TBC1D8: variants seen among roughly 807,000 people sequenced by gnomAD.
The protein encoded by TBC1D8 is BUB2-like protein 1.
In TBC1D8, 65 loss-of-function variants were observed where a neutral mutation model predicts 118.8. That is an observed-to-expected ratio of 0.55 (90% CI 0.45 to 0.67). TBC1D8 has a LOEUF of 0.67. TBC1D8 is among the 30% of genes least tolerant of loss of function. The pLI, the probability that TBC1D8 is intolerant of heterozygous loss-of-function variation, is 0.00. For synonymous variants in TBC1D8, 566 were observed against 595.8 expected, an observed-to-expected ratio of 0.95 and a Z score of 0.73; for missense variants, 1,376 against 1,471.2, an observed-to-expected ratio of 0.94 and a Z score of 1.06.
At chr2:101,027,133 G>A (rs769385351) in intron 15 of TBC1D8, among the ~76,000 whole-genome samples, 3 of 152,210 alleles carry the variant, frequency 2.0e-5, no homozygotes, top group African/African-American at 7.2e-5. Flanking sequence ...GCTTCAGCGC[G>A]AGGCCAGGCC....
intron 1 of TBC1D8, among the ~76,000 whole-genome samples, 189 bp from the exon 2 acceptor site, chr2:101,090,553 A>T (rs72822912): frequency 1.3e-5 from 2 of 152,188 alleles, no homozygotes; most frequent in Admixed American, 1.3e-4. Flanking sequence ...CATCCGCAGC[A>T]GGACCTGCCC....
rs200838997 is a variant in TBC1D8, at chr2:101,028,454, C to T, written c.2223-22G>A. ...AAACCTGAACACACCGCCCCGTCAA[C>T]GCCCAAGTCCATCCTCATTCGGGTA... is the stretch of plus-strand genomic sequence containing the variant. On this transcript the variant is annotated intron_variant, in intron 12 of 19. Transcript: ENST00000409318. 4.0e-4 allele frequency: 613 copies of T among 1,533,444 alleles called. 1 individual carries two copies. The highest frequency in any genetic ancestry group is 4.8e-4 in the Non-Finnish European group (548 of 1,141,796). The allele number at this position is 1,533,444 out of a possible 1,614,324, so 95.0% of individuals were successfully genotyped here.
chr2:101,110,018 C>A (rs1001666101), intron 1 of TBC1D8: 1 of 985,410 alleles, frequency 1.0e-6, no homozygotes, highest in Non-Finnish European at 1.2e-6. Context: ...ATCCTCCTGG[C>A]GTCTCAGCGA....
intron 1 of TBC1D8, among the ~76,000 whole-genome samples, chr2:101,123,425 G>T (rs541096026): frequency 2.0e-5 from 3 of 152,088 alleles, no homozygotes. Flanking sequence ...CTTGGCGACC[G>T]TTCTAGCAGT....
At chr2:101,097,310 A>C (rs960311702) in intron 1 of TBC1D8, among the ~76,000 whole-genome samples, 1 of 152,208 alleles carries the variant, frequency 6.6e-6, no homozygotes, top group Non-Finnish European at 1.5e-5. Flanking sequence ...AAAAATGTTA[A>C]ATGAAATTAT....
At chr2:101,076,904 G>C (rs1389603864) in intron 2 of TBC1D8, among the ~76,000 whole-genome samples, 1 of 152,234 alleles carries the variant, frequency 6.6e-6, no homozygotes, top group Non-Finnish European at 1.5e-5. Flanking sequence ...GCAGAAGCAT[G>C]GCAACTTCTG....
intron 15 of TBC1D8, among the ~76,000 whole-genome samples, 153 bp from the exon 16 acceptor site, chr2:101,022,674 A>G (rs1179785598): frequency 2.0e-5 from 3 of 152,238 alleles, no homozygotes; most frequent in Admixed American, 6.5e-5. Flanking sequence ...CCTTACCCAC[A>G]TGAACATGTA....
intron 15 of TBC1D8, among the ~76,000 whole-genome samples, chr2:101,027,144 T>C (rs1044651960): frequency 5.3e-5 from 8 of 152,224 alleles, no homozygotes; most frequent in Non-Finnish European, 1.2e-4. Context: ...AGGCCAGGCC[T>C]GCTGGGCTGC....
At chr2:101,071,907 T>C (rs985155336) in intron 2 of TBC1D8, among the ~76,000 whole-genome samples, 2 of 152,230 alleles carry the variant, frequency 1.3e-5, no homozygotes, top group East Asian at 1.9e-4. Context: ...TTTGCCCAGA[T>C]GAATCAGAGG....
chr2:101,014,004 A>G (rs1679429975), intron 17 of TBC1D8, among the ~76,000 whole-genome samples: 2 of 152,226 alleles, frequency 1.3e-5, no homozygotes, highest in Admixed American at 6.5e-5. Flanking sequence ...AGGAAAATCA[A>G]CTAAGTTATC....
chr2:101,021,802 G>C, intron 16 of TBC1D8, 56 bp from the exon 17 acceptor site: 2 of 1,150,268 alleles, frequency 1.7e-6, no homozygotes, highest in South Asian at 2.7e-5. Context: ...CCATTTGTCA[G>C]GACACAAACT....
At chr2:101,017,308 A>C (rs888790183) in intron 17 of TBC1D8, among the ~76,000 whole-genome samples, 2 of 152,198 alleles carry the variant, frequency 1.3e-5, no homozygotes, top group Non-Finnish European at 2.9e-5. Context: ...ATGCTAAAAT[A>C]ATGATAAATA....
intron 3 of TBC1D8, among the ~76,000 whole-genome samples, chr2:101,057,200 A>C (rs188826848): frequency 1.3e-5 from 2 of 152,298 alleles, no homozygotes; most frequent in Admixed American, 1.3e-4. Context: ...CCTGTTTTTA[A>C]AGGTCCATTT....
At position 101,133,101 on chromosome 2, in the gene TBC1D8, A is replaced by T. The variant is rs912123281; in HGVS notation, c.127+18026T>A. Among the ~76,000 whole-genome samples, 6 of 150,110 alleles carry T rather than the reference A, an allele frequency of 4.0e-5. No homozygotes were observed. The South Asian group carries it at 1.3e-3, about 32-fold the overall frequency. On this transcript the variant is annotated intron_variant, in intron 1 of 19. Coordinates refer to ENST00000409318, the MANE Select transcript of TBC1D8 (RefSeq NM_001330348.2). The stretch of plus-strand genomic sequence containing the variant: ...CTTGAACCCGGGAGGCGGAGGTTGC[A>T]GTGAGCTGAGATCGAGCCACTGCAC...
intron 1 of TBC1D8, among the ~76,000 whole-genome samples, chr2:101,122,546 G>C (rs1678178307): frequency 6.6e-6 from 1 of 151,708 alleles, no homozygotes; most frequent in Admixed American, 6.6e-5. Context: ...CATTACATTT[G>C]TTTTCTCATT....
In TBC1D8 at chr2:101,151,259, C is replaced by T; in HGVS notation, c.-6G>A. 1.7e-6 allele frequency: 2 copies of T among 1,146,146 alleles called. No individual in the cohort carries two copies. The highest frequency in any genetic ancestry group is 4.2e-5 in the Admixed American group (1 of 23,724). The allele number at this position is 1,146,146 out of a possible 1,614,324, so 71.0% of individuals were successfully genotyped here. A position where few individuals can be genotyped will look rare whatever the true frequency, so the allele number is the denominator to read the frequency against. ...TCCTCGGGCTTGAGCCACATCGCGGCGGTCCGGCCGCGCCCGCCGGCCCCA... is the reference window on the plus strand; with the variant it reads ...TCCTCGGGCTTGAGCCACATCGCGGTGGTCCGGCCGCGCCCGCCGGCCCCA... On this transcript the variant is annotated 5_prime_UTR_variant, in exon 1 of 20. Transcript: ENST00000409318.
At chr2:101,061,969 T>C (rs1184841102) in intron 2 of TBC1D8, among the ~76,000 whole-genome samples, 1 of 152,222 alleles carries the variant, frequency 6.6e-6, no homozygotes, top group Non-Finnish European at 1.5e-5. Flanking sequence ...AGCGTCTGCT[T>C]GGTTCCTCAG....
intron 1 of TBC1D8, among the ~76,000 whole-genome samples, chr2:101,134,207 A>T (rs62152493): frequency 9.7e-5 from 9 of 93,246 alleles, no homozygotes; most frequent in Admixed American, 2.4e-4. Flanking sequence ...TCACACACAC[A>T]CACACACACA....
At chr2:101,024,853 C>T (rs1017905888) in intron 15 of TBC1D8, among the ~76,000 whole-genome samples, 2 of 152,150 alleles carry the variant, frequency 1.3e-5, no homozygotes, top group African/African-American at 4.8e-5. Context: ...CACAGGTGCT[C>T]AGTGTCAAGC....
Sources: gnomAD v4.1 joint callset for allele counts (sites outside exome capture counted in the v4.1 genomes callset) on GRCh38, gnomAD v4.1.1 for gene constraint, MANE v1.5 for transcripts, NCBI Gene and HGNC (gene_info 2026-07-23, HGNC 2026-07-21) for gene names.